MTUS2: variants seen among roughly 807,000 people sequenced by gnomAD.
The protein encoded by MTUS2 is microtubule associated scaffold protein 2.
MTUS2 carries 40 observed loss-of-function variants against 114.1 expected under a neutral mutation model. The observed-to-expected ratio is 0.35, with a 90% CI of 0.27 to 0.46. MTUS2 has a LOEUF of 0.46. Ranked by LOEUF, MTUS2 falls within the 20% of genes least tolerant of loss-of-function variation. MTUS2 has a pLI of 1.00. For missense variants in MTUS2, 1,679 were observed against 1,705.4 expected (o/e 0.98, Z 0.27); for synonymous variants, 688 against 672.0 (o/e 1.02, Z -0.37).
At chr13:29,177,371 C>T (rs1893816308) in intron 5 of MTUS2, among the ~76,000 whole-genome samples, 1 of 150,626 alleles carries the variant, frequency 6.6e-6, no homozygotes, top group South Asian at 2.1e-4. Flanking sequence ...TGAAAAGAAG[C>T]TACTGGACAT....
chr13:29,205,484 T>A (rs1203797228), intron 5 of MTUS2, among the ~76,000 whole-genome samples: 1 of 152,174 alleles, frequency 6.6e-6, no homozygotes, highest in Admixed American at 6.5e-5. Context: ...TCGTTGTGAT[T>A]TCTGAGGTTT....
intron 5 of MTUS2, among the ~76,000 whole-genome samples, chr13:29,135,649 T>C (rs575728216): frequency 6.6e-6 from 1 of 152,314 alleles, no homozygotes; most frequent in South Asian, 2.1e-4. Context: ...AGGTGATTTT[T>C]TTTTTAGTAA....
chr13:29,381,903 T>A (rs1342815270), intron 8 of MTUS2, among the ~76,000 whole-genome samples: 1 of 152,194 alleles, frequency 6.6e-6, no homozygotes, highest in Non-Finnish European at 1.5e-5. Flanking sequence ...ATAACAGACA[T>A]GAAAGTTGGA....
intron 5 of MTUS2, among the ~76,000 whole-genome samples, chr13:29,150,209 T>C (rs532435002): frequency 6.6e-6 from 1 of 152,216 alleles, no homozygotes; most frequent in Non-Finnish European, 1.5e-5. Flanking sequence ...TGGTTTGTAG[T>C]TCTCCTTGAA....
chr13:29,126,951 G>T (rs1247935112), intron 5 of MTUS2, among the ~76,000 whole-genome samples: 1 of 152,174 alleles, frequency 6.6e-6, no homozygotes, highest in Non-Finnish European at 1.5e-5. Context: ...ACAGTGGTGG[G>T]CATGTGGTCA....
intron 1 of MTUS2, among the ~76,000 whole-genome samples, chr13:28,838,776 T>C (rs1309541226): frequency 6.6e-6 from 1 of 151,584 alleles, no homozygotes; most frequent in African/African-American, 2.4e-5. Flanking sequence ...TTGGAAGTAA[T>C]TGGGGACTGG....
At chr13:29,383,949 G>T (rs577916140) in intron 8 of MTUS2, among the ~76,000 whole-genome samples, 1 of 152,108 alleles carries the variant, frequency 6.6e-6, no homozygotes, top group Admixed American at 6.5e-5. Flanking sequence ...AACATATAAA[G>T]TAGTTCAGGG....
chr13:29,172,680 C>T (rs7988808), intron 5 of MTUS2, among the ~76,000 whole-genome samples: 112,560 of 152,044 alleles, frequency 0.74, 41,762 homozygotes, highest in East Asian at 0.8. Flanking sequence ...GACATGGGGA[C>T]TGTTTATCTC....
chr13:28,952,236 C>G (rs567759263), intron 2 of MTUS2, among the ~76,000 whole-genome samples: 1 of 152,224 alleles, frequency 6.6e-6, no homozygotes. Context: ...TCTTTCCAAT[C>G]CAACACAACT....
chr13:29,035,747 T>A lies in MTUS2; in HGVS notation c.2446+1622T>A, dbSNP rs7326888. ...TATCCACCAAACACTATTGATAGTT[T>A]CCCTTAACTTGAGATCTAGGAGGCT... On this transcript the variant is annotated intron_variant, in intron 4 of 15. Transcript: ENST00000612955. Among the ~76,000 whole-genome samples the A allele has an allele frequency of 3.5e-3, 535 of 152,262 alleles. 3 individuals carry two copies. Among genetic ancestry groups the A allele is most frequent in the African/African-American group, 0.012 (498 of 41,556 alleles).
At chr13:28,885,406 T>TTGTACG (rs1312367367) in intron 2 of MTUS2, among the ~76,000 whole-genome samples, 2 of 152,200 alleles carry the variant, frequency 1.3e-5, no homozygotes, top group East Asian at 3.9e-4. Context: ...GCAACTACTG[T>TTGTACG]TGTACTTTTA....
chr13:29,112,577 G>A (rs1452185130), intron 5 of MTUS2, among the ~76,000 whole-genome samples: 1 of 152,188 alleles, frequency 6.6e-6, no homozygotes, highest in Non-Finnish European at 1.5e-5. Flanking sequence ...CGTAGCAGGA[G>A]AAGTTGGTTT....
At chr13:29,112,637 A>C (rs1890926292) in intron 5 of MTUS2, among the ~76,000 whole-genome samples, 1 of 152,114 alleles carries the variant, frequency 6.6e-6, no homozygotes, top group Non-Finnish European at 1.5e-5. Flanking sequence ...TTATGCTCTG[A>C]GGAGAAAGAT....
At chr13:29,114,683 T>C (rs973567822) in intron 5 of MTUS2, among the ~76,000 whole-genome samples, 1 of 152,054 alleles carries the variant, frequency 6.6e-6, no homozygotes. Context: ...TAAGGAGCCA[T>C]TGGTGCACTA....
intron 12 of MTUS2, among the ~76,000 whole-genome samples, chr13:29,495,882 T>C (rs1593518496): frequency 6.6e-6 from 1 of 151,884 alleles, no homozygotes; most frequent in South Asian, 2.1e-4. Flanking sequence ...GTCTCTGTCT[T>C]TGTCTCTCTT....
intron 4 of MTUS2, among the ~76,000 whole-genome samples, chr13:29,034,630 A>T (rs1257789103): frequency 1.3e-5 from 2 of 152,198 alleles, no homozygotes; most frequent in East Asian, 3.9e-4. Flanking sequence ...CCACATAGAG[A>T]AGTGCGTTTA....
rs565332814 is a variant in MTUS2, at chr13:28,901,602, G to A, written c.-243+61752G>A. Among the ~76,000 whole-genome samples, 327 of 152,272 alleles carry A rather than the reference G, an allele frequency of 2.1e-3. 1 individual carries two copies. Among genetic ancestry groups the A allele is most frequent in the Non-Finnish European group, 3.5e-3 (241 of 68,012 alleles). On this transcript the variant is annotated intron_variant, in intron 2 of 15. Coordinates refer to ENST00000612955, the MANE Select transcript of MTUS2 (RefSeq NM_001033602.4). Reference sequence around the variant, plus strand: ...ATTGATACACAACAGCTCCAGCACTGTGTGTTAGGAAGGCTCTCTGTCTTC... The same window carrying A: ...ATTGATACACAACAGCTCCAGCACTATGTGTTAGGAAGGCTCTCTGTCTTC...
At chr13:29,204,999 A>ACTT (rs1895124281) in intron 5 of MTUS2, among the ~76,000 whole-genome samples, 1 of 152,142 alleles carries the variant, frequency 6.6e-6, no homozygotes, top group East Asian at 1.9e-4. Context: ...GGTCCCAGTC[A>ACTT]GAGGGACCAT....
chr13:29,355,351 A>G (rs986497282), intron 7 of MTUS2, among the ~76,000 whole-genome samples: 5 of 151,626 alleles, frequency 3.3e-5, no homozygotes, highest in African/African-American at 1.2e-4. Flanking sequence ...TCTTCTCCTA[A>G]CCAGAGTTAT....
Sources: allele counts gnomAD v4.1 joint callset (sites outside exome capture counted in the v4.1 genomes callset), GRCh38; gene constraint gnomAD v4.1.1; transcripts MANE v1.5; gene names NCBI Gene and HGNC (gene_info 2026-07-23, HGNC 2026-07-21).